The following EPHA6 variants were observed in gnomAD, a reference collection of about 807,000 sequenced individuals.
EPHA6 encodes EPH receptor A6.
A neutral mutation model predicts 112.0 loss-of-function variants in EPHA6; 50 were observed. That is an observed-to-expected ratio of 0.45 (90% confidence interval 0.36 to 0.56). EPHA6 has a LOEUF of 0.56. EPHA6 is among the 20% of genes least tolerant of loss of function. The pLI, the probability that EPHA6 is intolerant of heterozygous loss-of-function variation, is 0.00. For missense variants in EPHA6, 1,280 were observed against 1,417.4 expected (o/e 0.90, Z 1.56); for synonymous variants, 529 against 490.7 (o/e 1.08, Z -1.03).
chr3:97,273,256 ATTTAC>A (rs749708227), intron 5 of EPHA6, among the ~76,000 whole-genome samples: 6 of 152,198 alleles, frequency 3.9e-5, no homozygotes, highest in Non-Finnish European at 5.9e-5. Flanking sequence ...AGCAAAGATT[ATTTAC>A]TTTAAGTGTT....
intron 3 of EPHA6, among the ~76,000 whole-genome samples, chr3:97,073,106 C>T (rs2046409692): frequency 6.6e-6 from 1 of 152,070 alleles, no homozygotes; most frequent in African/African-American, 2.4e-5. Flanking sequence ...ACTGCTTTCT[C>T]CTTTACCTGT....
chr3:96,839,781 G>A (rs1227425212), intron 1 of EPHA6, among the ~76,000 whole-genome samples: 1 of 151,916 alleles, frequency 6.6e-6, no homozygotes, highest in Admixed American at 6.6e-5. Context: ...CCTTATTGTT[G>A]GGCAGGTTGT....
chr3:97,251,448 T>C (rs1192450056), intron 5 of EPHA6, among the ~76,000 whole-genome samples: 1 of 151,908 alleles, frequency 6.6e-6, no homozygotes, highest in African/African-American at 2.4e-5. Context: ...GAGAATGGCC[T>C]GAACCCAGGA....
chr3:97,412,375 C>A (rs2087781594), intron 6 of EPHA6, among the ~76,000 whole-genome samples: 1 of 152,022 alleles, frequency 6.6e-6, no homozygotes, highest in African/African-American at 2.4e-5. Context: ...ACATTCTAAC[C>A]TCATATTCAG....
Position 97,498,240 on chromosome 3 carries a change from T to C in EPHA6, c.2200+14181T>C, listed in dbSNP as rs141757536. ...AGATTATAACTGATTGGTTGTAACGTAGAGCTCTGCCTAGTGAGAAGCAAA... is the reference window on the plus strand; with the variant it reads ...AGATTATAACTGATTGGTTGTAACGCAGAGCTCTGCCTAGTGAGAAGCAAA... On this transcript the variant is annotated intron_variant, in intron 10 of 17. Coordinates refer to ENST00000389672, the MANE Select transcript of EPHA6 (RefSeq NM_001080448.3). Among the ~76,000 whole-genome samples, 983 of 150,702 alleles carry C rather than the reference T, an allele frequency of 6.5e-3. 12 individuals carry two copies. The highest frequency in any genetic ancestry group is 0.022 in the African/African-American group (904 of 40,960).
chr3:97,364,212 T>G (rs529817535), intron 5 of EPHA6, among the ~76,000 whole-genome samples: 1 of 152,196 alleles, frequency 6.6e-6, no homozygotes, highest in East Asian at 1.9e-4. Context: ...AGTGGGAAAT[T>G]TTTGAGAAAA....
chr3:97,025,233 A>C (rs2044597474), intron 3 of EPHA6, among the ~76,000 whole-genome samples: 1 of 152,348 alleles, frequency 6.6e-6, no homozygotes, highest in Admixed American at 6.5e-5. Context: ...TTATTATGCA[A>C]CATTTCAACA....
At chr3:97,648,883 A>C (rs530111644) in intron 14 of EPHA6, among the ~76,000 whole-genome samples, 1 of 152,246 alleles carries the variant, frequency 6.6e-6, no homozygotes, top group Non-Finnish European at 1.5e-5. Flanking sequence ...CTGCTGGTGG[A>C]GCTGACACTG....
At chr3:97,723,249 A>T (rs2034612105) in intron 15 of EPHA6, among the ~76,000 whole-genome samples, 1 of 152,160 alleles carries the variant, frequency 6.6e-6, no homozygotes, top group African/African-American at 2.4e-5. Context: ...TTTTGCCCAA[A>T]TGTGTAGTTT....
At chr3:97,436,982 G>A (rs912923051) in intron 6 of EPHA6, among the ~76,000 whole-genome samples, 3 of 151,962 alleles carry the variant, frequency 2.0e-5, no homozygotes, top group Non-Finnish European at 4.4e-5. Flanking sequence ...GGCCCAGGAC[G>A]GCTTTGACTG....
rs113114659 is a variant in EPHA6 at position 96,965,784 on chromosome 3, C to T, written c.451-21546C>T. On this transcript the variant is annotated intron_variant, in intron 2 of 17. Coordinates refer to ENST00000389672, the MANE Select transcript of EPHA6 (RefSeq NM_001080448.3). ...TGTATTAATGTATAATTTTACCTTTCGTATTTAAATCAGTATTCTTTGAGG... is the reference window on the plus strand; with the variant it reads ...TGTATTAATGTATAATTTTACCTTTTGTATTTAAATCAGTATTCTTTGAGG... Among the ~76,000 whole-genome samples, 930 of 152,116 alleles carry T rather than the reference C, an allele frequency of 6.1e-3. 7 individuals are homozygous for T. The highest frequency in any genetic ancestry group is 0.021 in the African/African-American group (875 of 41,538).
intron 14 of EPHA6, among the ~76,000 whole-genome samples, chr3:97,678,970 C>A (rs2031634595): frequency 1.3e-5 from 2 of 152,092 alleles, no homozygotes; most frequent in South Asian, 4.1e-4. Flanking sequence ...GATTTCAACC[C>A]ATCTCTATTT....
chr3:97,549,843 T>A (rs1459317115), intron 11 of EPHA6, among the ~76,000 whole-genome samples: 7 of 151,460 alleles, frequency 4.6e-5, no homozygotes, highest in East Asian at 1.9e-4. Context: ...ATAAAATAAA[T>A]AAAATAAAAT....
At chr3:97,179,717 GTC>G (rs71113852) in intron 3 of EPHA6, among the ~76,000 whole-genome samples, 34,294 of 118,710 alleles carry the variant, frequency 0.29, 4,986 homozygotes, top group East Asian at 0.42. Context: ...AACCTACAGA[GTC>G]TCTCTCTCTC....
At chr3:96,936,356 G>A (rs2040580869) in intron 2 of EPHA6, among the ~76,000 whole-genome samples, 1 of 151,252 alleles carries the variant, frequency 6.6e-6, no homozygotes, top group South Asian at 2.1e-4. Flanking sequence ...GCAAAATTAG[G>A]TAATTAAAAA....
intron 3 of EPHA6, among the ~76,000 whole-genome samples, chr3:97,037,954 T>A (rs1048767819): frequency 6.6e-6 from 1 of 152,032 alleles, no homozygotes; most frequent in Non-Finnish European, 1.5e-5. Flanking sequence ...ATGTTAAATA[T>A]GAAATTGTAG....
chr3:96,936,613 TTTA>T (rs779979374), intron 2 of EPHA6, among the ~76,000 whole-genome samples: 76 of 151,920 alleles, frequency 5.0e-4, no homozygotes, highest in East Asian at 9.7e-4. Flanking sequence ...TTAATTTAAT[TTTA>T]TTATTATTAT....
Position 97,632,962 on chromosome 3 carries a change from A to C in EPHA6, c.2575-4911A>C, listed in dbSNP as rs150220999. Among the ~76,000 whole-genome samples the C allele has an allele frequency of 2.6e-3, 399 of 152,214 alleles. 1 individual carries two copies. Among genetic ancestry groups the C allele is most frequent in the Admixed American group, 4.2e-3 (64 of 15,272 alleles). ...GGCACTCAGATCCTATGTTTGTCAT[A>C]ACCTCGGTCTAAGTACTTGAGCTCA... On this transcript the variant is annotated intron_variant, in intron 13 of 17. Transcript: ENST00000389672.
chr3:97,273,136 A>C (rs766338476), intron 5 of EPHA6, among the ~76,000 whole-genome samples: 4 of 152,282 alleles, frequency 2.6e-5, no homozygotes, highest in Non-Finnish European at 5.9e-5. Context: ...TGAATTGAAA[A>C]ACTAAACAGA....
Sources: allele counts gnomAD v4.1 joint callset (sites outside exome capture counted in the v4.1 genomes callset), GRCh38; gene constraint gnomAD v4.1.1; transcripts MANE v1.5; gene names NCBI Gene and HGNC (gene_info 2026-07-23, HGNC 2026-07-21).